PASK: variants seen among roughly 807,000 people sequenced by gnomAD.
PASK encodes PAS domain-containing serine/threonine-protein kinase.
PASK carries 110 observed loss-of-function variants against 121.0 expected under a neutral mutation model. The ratio of observed to expected loss-of-function variants is 0.91; its 90% confidence interval spans 0.78 to 1.06. The LOEUF (loss-of-function observed/expected upper bound fraction) is 1.06. PASK is among the 50% of genes least tolerant of loss of function. The probability of loss-of-function intolerance (pLI) is 0.00; values close to 1 mark genes in which losing one functional copy is unlikely to be tolerated. For missense variants in PASK, 1,643 were observed against 1,702.3 expected, an observed-to-expected ratio of 0.97 and a Z score of 0.61; for synonymous variants, 686 against 717.8, an observed-to-expected ratio of 0.96 and a Z score of 0.71.
In PASK at chr2:241,126,137, C is replaced by T. The variant is rs897454256; in HGVS notation, c.2719+59G>A. The T allele has an allele frequency of 4.0e-6, 6 of 1,486,136 alleles. No individual in the cohort carries two copies. The Admixed American group carries it at 5.1e-5, about 13-fold the overall frequency. The allele number at this position is 1,486,136 out of a possible 1,614,324, so 92.1% of individuals were successfully genotyped here. On this transcript the variant is annotated intron_variant, in intron 10 of 17. Transcript: ENST00000234040. ...ACCCCAGAACAAGGAAGGCCCTGCA[C>T]CCCCACTGCACTGTGCTCTGGGAGC...
chr2:241,132,681 G>A (rs1194546579), intron 9 of PASK, among the ~76,000 whole-genome samples, 193 bp downstream of exon 9: 1 of 152,072 alleles, frequency 6.6e-6, no homozygotes, highest in Non-Finnish European at 1.5e-5. Context: ...CATACAGGCT[G>A]ATAAGGACTC....
rs2064929814 is a variant in PASK, at chr2:241,107,365, C to T, written c.3802G>A (p.Val1268Ile). Residue 1268 changes from valine to isoleucine, a missense_variant, in exon 17 of 18, where the codon GTA becomes ATA. Transcript: ENST00000234040. Reference protein sequence around the residue: ...ADYTWEEVFRVNKPESGVLSA... With the variant: ...ADYTWEEVFRINKPESGVLSA... ...TGAGAAGCCTCACCTGGCTTGTTTA[C>T]TCGAAACACCTCTTCCCATGTATAG... 1.9e-6 allele frequency: 3 copies of T among 1,613,890 alleles called. No individual in the cohort carries two copies. Among genetic ancestry groups the T allele is most frequent in the Non-Finnish European group, 2.5e-6 (3 of 1,179,814 alleles).
chr2:241,123,710 C>T (rs996378052), intron 11 of PASK, among the ~76,000 whole-genome samples: 2 of 151,344 alleles, frequency 1.3e-5, no homozygotes, highest in Non-Finnish European at 1.5e-5. Context: ...CCCCACTACT[C>T]GGGAGGCTGA....
At chr2:241,120,457 C>G (rs1559366970) in intron 12 of PASK, among the ~76,000 whole-genome samples, 1 of 148,858 alleles carries the variant, frequency 6.7e-6, no homozygotes, top group Non-Finnish European at 1.5e-5. Flanking sequence ...TGTGCCACTG[C>G]ACTCCAGCCT....
intron 10 of PASK, among the ~76,000 whole-genome samples, chr2:241,125,671 G>A (rs979199621): frequency 4.6e-5 from 7 of 151,942 alleles, no homozygotes; most frequent in African/African-American, 1.7e-4. Flanking sequence ...ATCTCAAAGG[G>A]GCAAGCAGAG....
chr2:241,114,727 A>G, intron 14 of PASK: 1 of 1,361,392 alleles, frequency 7.3e-7, no homozygotes, highest in Non-Finnish European at 9.4e-7. Context: ...CTCTGGCTGC[A>G]TCCTAACCCT....
chr2:241,149,444 C>T lies in PASK; in HGVS notation c.-73G>A. On this transcript the variant is annotated 5_prime_UTR_variant, in exon 1 of 18. Coordinates refer to ENST00000234040, the MANE Select transcript of PASK (RefSeq NM_015148.4). ...TCAGGCGAGGGTCACGCCAAGCCGG[C>T]TACACACCACGGAAAGGAGCCCTTC... 1.7e-6 allele frequency: 1 copy of T among 571,536 alleles called. No homozygotes were observed. The highest frequency in any genetic ancestry group is 2.1e-5 in the South Asian group (1 of 48,442). The allele number at this position is 571,536 out of a possible 1,614,324, so 35.4% of individuals were successfully genotyped here. A position where few individuals can be genotyped will look rare whatever the true frequency, so the allele number is the denominator to read the frequency against.
Position 241,126,461 on chromosome 2 carries a change from C to G in PASK, c.2454G>C (p.Val818=), listed in dbSNP as rs546445558. The G allele has an allele frequency of 3.5e-5, 56 of 1,614,252 alleles. No individual in the cohort carries two copies. In the East Asian group the frequency reaches 4.5e-4, roughly 13 times the overall value. The change falls in exon 10 of 18, where the codon GTG becomes GTC. Residue 818 remains valine (V), a synonymous_variant. Transcript: ENST00000234040. ...CAAGCGGTTCTGTTGGATCATGTCC[C>G]ACACAGCTCTCCCGGAACCGTCGGC... is the stretch of plus-strand genomic sequence containing the variant. ...GQGRRFRESC[V]GHDPTEPLEV...
At chr2:241,111,175 G>A (rs188077535) in intron 15 of PASK, among the ~76,000 whole-genome samples, 156 of 152,340 alleles carry the variant, frequency 1.0e-3, no homozygotes, top group African/African-American at 3.5e-3. Context: ...CATGGAGCTC[G>A]TGCGTGACTG....
In PASK at chr2:241,122,737, T is replaced by C. The variant is rs138846266; in HGVS notation, c.3067A>G (p.Lys1023Glu). ...VWTAVDKEKN[K>E]EVVVKFIKKE... is the part of the protein sequence containing the mutation. ...CCCCCCCACAGCCAGGTTACCTCCT[T>C]GTTTTTTTCCTTGTCCACAGCAGTC... Residue 1023 changes from lysine to glutamate, a missense_variant, in exon 12 of 18, where the codon AAG (lysine) becomes GAG (glutamate). By Grantham distance (56) the Lys-to-Glu change is moderately conservative. This residue lies in a region of PASK where 453 missense variants were observed against 511.2 expected (regional missense o/e 0.89). Coordinates refer to ENST00000234040, the MANE Select transcript of PASK (RefSeq NM_015148.4). 38 of 1,613,966 alleles carry C rather than the reference T, an allele frequency of 2.4e-5. No individual in the cohort carries two copies. In the African/African-American group the frequency reaches 2.5e-4, roughly 11 times the overall value.
rs1034341044 is a variant in PASK, at chr2:241,108,113, T to C, written c.3667+54A>G. The C allele has an allele frequency of 1.9e-6, 3 of 1,589,534 alleles. No individual in the cohort carries two copies. The highest frequency in any genetic ancestry group is 2.6e-6 in the Non-Finnish European group (3 of 1,157,810). On this transcript the variant is annotated intron_variant, in intron 16 of 17. Transcript: ENST00000234040. The surrounding 1 kb of genome is among the most constrained non-coding windows in gnomAD (Gnocchi z 5.2). ...GGAATGAGGAAATGGGAAAAAAAAGTGGCTGGTCTCTAAGGACAGTGTCGA... is the reference window on the plus strand; with the variant it reads ...GGAATGAGGAAATGGGAAAAAAAAGCGGCTGGTCTCTAAGGACAGTGTCGA...
At chr2:241,137,817 A>G (rs550992577) in intron 6 of PASK, 136 bp downstream of exon 6, 2 of 916,362 alleles carry the variant, frequency 2.2e-6, no homozygotes, top group Middle Eastern at 3.2e-4. Flanking sequence ...CTCAGCGCAC[A>G]GGAAGCTCAA....
At chr2:241,118,433 A>G (rs967781399) in intron 12 of PASK, among the ~76,000 whole-genome samples, 7 of 152,184 alleles carry the variant, frequency 4.6e-5, no homozygotes, top group African/African-American at 1.7e-4. Flanking sequence ...AAACCACTCA[A>G]TGGGGAGAGG....
chr2:241,137,337 G>C, intron 6 of PASK, 73 bp from the exon 7 acceptor site: 1 of 1,254,912 alleles, frequency 8.0e-7, no homozygotes, highest in East Asian at 2.3e-5. Flanking sequence ...TGCTGCGTCC[G>C]ACCCGACTTC....
chr2:241,136,172 C>T (rs1416337460), intron 7 of PASK, 133 bp from the exon 8 acceptor site: 7 of 799,110 alleles, frequency 8.8e-6, no homozygotes, highest in African/African-American at 5.1e-5. Flanking sequence ...GGAAAGGCCT[C>T]GGGCCAAATG....
chr2:241,108,264 T>G lies in PASK; in HGVS notation c.3570A>C (p.Gly1190=). 1 of 1,613,932 alleles carries G rather than the reference T, an allele frequency of 6.2e-7. No homozygotes were observed. The highest frequency in any genetic ancestry group is 8.5e-7 in the Non-Finnish European group (1 of 1,179,864). ...RGPELEMWSL[G]VTLYTLVFEE... is the part of the protein sequence containing the mutation. ...CAAAGACCAGCGTGTACAGAGTGAC[T>G]CCCAGAGACCACATCTCCAGCTCCG... Residue 1190 remains glycine (G), a synonymous_variant, in exon 16 of 18, where the codon GGA becomes GGC. Transcript: ENST00000234040. The surrounding 1 kb of genome is among the most constrained non-coding windows in gnomAD (Gnocchi z 5.2).
At position 241,127,066 on chromosome 2, in the gene PASK, A is replaced by G. The variant is rs765674792; in HGVS notation, c.1849T>C (p.Trp617Arg). The stretch of plus-strand genomic sequence containing the variant: ...TCCTGGCTTCGCCACCACAAGCCCC[A>G]TTCACTCCCATAGCAAGGGCAGTGC... ...LMHCPCYGSEWGLWWRSQDLA... is the reference protein window; with the variant it reads ...LMHCPCYGSERGLWWRSQDLA... The change falls in exon 10 of 18, where the codon TGG (tryptophan) becomes CGG (arginine). Residue 617 changes from tryptophan to arginine, a missense_variant. Physicochemically the swap from Trp to Arg is moderately radical, Grantham distance 101. Coordinates refer to ENST00000234040, the MANE Select transcript of PASK (RefSeq NM_015148.4). 1 of 1,614,096 alleles carries G rather than the reference A, an allele frequency of 6.2e-7. No individual in the cohort carries two copies. The highest frequency in any genetic ancestry group is 8.5e-7 in the Non-Finnish European group (1 of 1,180,032).
In PASK at chr2:241,135,870, C is replaced by A. The variant is rs750788242; in HGVS notation, c.1306+1G>T. ...CATTCAGGAGGAAGAGGACGTCTTA[C>A]CCTGGCCCCCCTCAGCTGGGTCCTG... On this transcript the variant is annotated splice_donor_variant, in intron 8 of 17. Transcript: ENST00000234040. LOFTEE classifies it high-confidence loss of function. 7.4e-6 allele frequency: 12 copies of A among 1,613,570 alleles called. No homozygotes were observed. The highest frequency in any genetic ancestry group is 1.0e-5 in the Non-Finnish European group (12 of 1,179,648).
chr2:241,135,560 T>C (rs1472155188), intron 8 of PASK, among the ~76,000 whole-genome samples: 1 of 152,056 alleles, frequency 6.6e-6, no homozygotes, highest in Admixed American at 6.6e-5. Context: ...TAAGTTTACT[T>C]AGAAAAGACA....
Sources: allele counts gnomAD v4.1 joint callset (sites outside exome capture counted in the v4.1 genomes callset), GRCh38; gene constraint gnomAD v4.1.1; regional missense constraint gnomAD v4.1.1; non-coding constraint Gnocchi (gnomAD v3.1); transcripts MANE v1.5; gene names NCBI Gene and HGNC (gene_info 2026-07-23, HGNC 2026-07-21).